AXDND1: variants seen among roughly 807,000 people sequenced by gnomAD.
AXDND1 encodes axonemal dynein light chain domain-containing protein 1.
In AXDND1, 110 loss-of-function variants were observed where a neutral mutation model predicts 137.5. The ratio of observed to expected loss-of-function variants is 0.80; its 90% CI spans 0.69 to 0.94. The LOEUF is 0.94. Ranked by LOEUF, AXDND1 falls within the 40% of genes least tolerant of loss-of-function variation. The probability of loss-of-function intolerance (pLI) is 0.00; values close to 1 mark genes in which losing one functional copy is unlikely to be tolerated. For synonymous variants in AXDND1, 414 were observed against 399.7 expected (o/e 1.04, Z -0.43); for missense variants, 1,191 against 1,169.8 (o/e 1.02, Z -0.26).
At position 179,432,327 on chromosome 1, in the gene AXDND1, C is replaced by T; in HGVS notation, c.1548C>T (p.Phe516=). 6.4e-7 allele frequency: 1 copy of T among 1,570,562 alleles called. No homozygotes were observed. Among genetic ancestry groups the T allele is most frequent in the Non-Finnish European group, 8.7e-7 (1 of 1,155,470 alleles). ...TATTTAATTCAGTTCTTTTAGACTT[C>T]AAACAGTGGCAGAAGGTAAGACTTT... ...GNIFNSVLLD[F]KQWQKILNEK... Residue 516 remains phenylalanine (F), a synonymous_variant, in exon 15 of 26, where the codon TTC becomes TTT. Coordinates refer to ENST00000367618, the MANE Select transcript of AXDND1 (RefSeq NM_144696.6).
At chr1:179,418,019 C>A (rs1341750120) in intron 12 of AXDND1, among the ~76,000 whole-genome samples, 3 of 142,750 alleles carry the variant, frequency 2.1e-5, no homozygotes, top group South Asian at 2.2e-4. Flanking sequence ...ATTGATCATT[C>A]TTGGGTGTTT....
At chr1:179,382,907 C>T (rs369469340) in intron 7 of AXDND1, 151 bp downstream of exon 7, 23 of 521,240 alleles carry the variant, frequency 4.4e-5, no homozygotes, top group African/African-American at 2.9e-4. Flanking sequence ...TCAGTGTTTT[C>T]GTTTTTACAA....
chr1:179,439,195 A>G (rs149064757), intron 15 of AXDND1, among the ~76,000 whole-genome samples: 105 of 152,304 alleles, frequency 6.9e-4, no homozygotes, highest in African/African-American at 2.5e-3. Context: ...GATAGGAGCT[A>G]TTGAATGGAA....
At chr1:179,421,104 CT>C (rs1371085763) in intron 12 of AXDND1, among the ~76,000 whole-genome samples, 8 of 132,276 alleles carry the variant, frequency 6.0e-5, no homozygotes, top group African/African-American at 2.4e-4. Context: ...TTTCTTCCTT[CT>C]TTGTCAAAGA....
intron 4 of AXDND1, among the ~76,000 whole-genome samples, chr1:179,376,899 C>T (rs1245884511): frequency 6.6e-6 from 1 of 151,954 alleles, no homozygotes; most frequent in Non-Finnish European, 1.5e-5. Context: ...AATGTACAAT[C>T]CTATAACCCA....
At chr1:179,496,740 CT>C (rs1474582448) in intron 20 of AXDND1, among the ~76,000 whole-genome samples, 1 of 151,832 alleles carries the variant, frequency 6.6e-6, no homozygotes, top group African/African-American at 2.4e-5. Context: ...CTTACTTATT[CT>C]GGGTTTAATT....
chr1:179,406,841 A>G (rs1653049978), intron 11 of AXDND1, among the ~76,000 whole-genome samples: 1 of 152,132 alleles, frequency 6.6e-6, no homozygotes. Flanking sequence ...GGGGAATTTA[A>G]TTCTTTTATA....
chr1:179,447,862 G>T, intron 16 of AXDND1: 1 of 1,333,312 alleles, frequency 7.5e-7, no homozygotes, highest in Non-Finnish European at 1.1e-6. Flanking sequence ...GCCAGTACTT[G>T]GTGGTCTCTG....
chr1:179,525,329 C>A lies in AXDND1; in HGVS notation c.2497-5C>A. On this transcript the variant is annotated splice_polypyrimidine_tract_variant and splice_region_variant and intron_variant, in intron 21 of 25. Coordinates refer to ENST00000367618, the MANE Select transcript of AXDND1 (RefSeq NM_144696.6). ...CTTTAATCATAATATTGGTTCATCTCACAGGAGGCTGTAAAAGAATTCATT... is the reference window on the plus strand; with the variant it reads ...CTTTAATCATAATATTGGTTCATCTAACAGGAGGCTGTAAAAGAATTCATT... 1 of 1,607,436 alleles carries A rather than the reference C, an allele frequency of 6.2e-7. No homozygotes were observed. Among genetic ancestry groups the A allele is most frequent in the South Asian group, 1.1e-5 (1 of 89,992 alleles).
intron 20 of AXDND1, among the ~76,000 whole-genome samples, chr1:179,507,278 T>C (rs1668626183): frequency 6.6e-6 from 1 of 152,204 alleles, no homozygotes; most frequent in Non-Finnish European, 1.5e-5. Flanking sequence ...GAAAACTTGC[T>C]GAACTCTATA....
At chr1:179,465,865 C>T (rs1462696310) in intron 16 of AXDND1, among the ~76,000 whole-genome samples, 1 of 152,208 alleles carries the variant, frequency 6.6e-6, no homozygotes, top group African/African-American at 2.4e-5. Context: ...GCAGTTTGAT[C>T]TCAGACTGTT....
chr1:179,491,322 A>G (rs1481996649), intron 18 of AXDND1, among the ~76,000 whole-genome samples: 1 of 152,178 alleles, frequency 6.6e-6, no homozygotes, highest in Non-Finnish European at 1.5e-5. Context: ...AAAAAAATTA[A>G]ATAAATAGAT....
chr1:179,554,633 C>T lies in AXDND1; in HGVS notation c.*114C>T. 6.7e-7 allele frequency: 1 copy of T among 1,501,654 alleles called. No homozygotes were observed. Among genetic ancestry groups the T allele is most frequent in the Non-Finnish European group, 9.3e-7 (1 of 1,079,554 alleles). The allele number at this position is 1,501,654 out of a possible 1,614,324, so 93.0% of individuals were successfully genotyped here. A position where few individuals can be genotyped will look rare whatever the true frequency, so the allele number is the denominator to read the frequency against. ...GTTCTGTACTAAGGAACAACATTCC[C>T]TTTGAAAGGACATTATTTGCCTGTT... On this transcript the variant is annotated 3_prime_UTR_variant, in exon 26 of 26. Coordinates refer to ENST00000367618, the MANE Select transcript of AXDND1 (RefSeq NM_144696.6).
chr1:179,530,183 C>T (rs899742465), intron 23 of AXDND1, among the ~76,000 whole-genome samples: 5 of 152,118 alleles, frequency 3.3e-5, no homozygotes, highest in African/African-American at 4.8e-5. Context: ...GTGCCCACCA[C>T]CATGCCCGGC....
intron 16 of AXDND1, chr1:179,450,536 A>G (rs1436548569): frequency 7.1e-6 from 1 of 140,278 alleles, no homozygotes; most frequent in African/African-American, 2.7e-5. Context: ...TTACATGAAA[A>G]TGTGTGGGAT....
intron 25 of AXDND1, chr1:179,545,098 C>G (rs1672527050): frequency 6.6e-6 from 1 of 152,258 alleles, no homozygotes; most frequent in Non-Finnish European, 1.5e-5. Flanking sequence ...GACTAACCTG[C>G]AAAAATCAGT....
chr1:179,434,365 T>C (rs2125324385), intron 15 of AXDND1, among the ~76,000 whole-genome samples: 1 of 152,154 alleles, frequency 6.6e-6, no homozygotes, highest in Non-Finnish European at 1.5e-5. Context: ...GCCAGCATCA[T>C]CCTGATACCA....
intron 11 of AXDND1, among the ~76,000 whole-genome samples, chr1:179,402,497 T>C (rs1652249178): frequency 6.6e-6 from 1 of 152,188 alleles, no homozygotes; most frequent in South Asian, 2.1e-4. Flanking sequence ...TTGTTAACTA[T>C]AGTCTGCTCC....
chr1:179,366,218 T>C (rs1667376630), intron 1 of AXDND1, 186 bp from the exon 2 acceptor site: 3 of 209,012 alleles, frequency 1.4e-5, no homozygotes, highest in Non-Finnish European at 2.0e-5. Flanking sequence ...CTTCCTGCCC[T>C]GCTCCTTGAC....
Sources: allele counts gnomAD v4.1 joint callset (sites outside exome capture counted in the v4.1 genomes callset), GRCh38; gene constraint gnomAD v4.1.1; transcripts MANE v1.5; gene names NCBI Gene and HGNC (gene_info 2026-07-23, HGNC 2026-07-21).